Variants in NKAIN3 observed in about 807,000 individuals in gnomAD.
NKAIN3 encodes sodium/potassium transporting ATPase interacting 3.
A neutral mutation model predicts 30.2 loss-of-function variants in NKAIN3; 25 were observed. That is an observed-to-expected ratio of 0.83 (90% CI 0.60 to 1.16). NKAIN3 has a LOEUF of 1.16. Ranked by LOEUF, NKAIN3 falls within the 50% of genes most tolerant of loss-of-function variation. The pLI, the probability that NKAIN3 is intolerant of heterozygous loss-of-function variation, is 0.00. For missense variants in NKAIN3, 225 were observed against 254.1 expected, an observed-to-expected ratio of 0.89 and a Z score of 0.78; for synonymous variants, 91 against 89.6, an observed-to-expected ratio of 1.02 and a Z score of -0.09.
chr8:62,391,829 G>C (rs1817590956), intron 1 of NKAIN3, among the ~76,000 whole-genome samples: 2 of 151,836 alleles, frequency 1.3e-5, no homozygotes, highest in Admixed American at 1.3e-4. Flanking sequence ...GCGTGTGTGG[G>C]TGTGTGTGAA....
At chr8:62,457,148 T>A (rs1325625430) in intron 1 of NKAIN3, among the ~76,000 whole-genome samples, 3 of 152,198 alleles carry the variant, frequency 2.0e-5, no homozygotes, top group Non-Finnish European at 4.4e-5. Context: ...ACACAGGAAG[T>A]GGCTGAATCG....
intron 3 of NKAIN3, among the ~76,000 whole-genome samples, chr8:62,700,677 G>T (rs2130466893): frequency 6.6e-6 from 1 of 152,284 alleles, no homozygotes; most frequent in Non-Finnish European, 1.5e-5. Flanking sequence ...TACATGATTT[G>T]CAGCGAAGCT....
intron 1 of NKAIN3, among the ~76,000 whole-genome samples, chr8:62,326,165 C>T (rs1345429871): frequency 6.6e-6 from 1 of 151,664 alleles, no homozygotes; most frequent in African/African-American, 2.4e-5. Context: ...TGCAGGATGA[C>T]ATTCTTTTTA....
intron 1 of NKAIN3, among the ~76,000 whole-genome samples, chr8:62,475,002 T>A (rs1173985827): frequency 6.6e-6 from 1 of 152,176 alleles, no homozygotes; most frequent in African/African-American, 2.4e-5. Context: ...GAGCAATGAC[T>A]ATAAAATAAT....
chr8:62,296,153 A>C (rs536897044), intron 1 of NKAIN3, among the ~76,000 whole-genome samples: 1 of 152,282 alleles, frequency 6.6e-6, no homozygotes. Flanking sequence ...AAGAGTTGTT[A>C]AGGAGACACA....
intron 1 of NKAIN3, among the ~76,000 whole-genome samples, chr8:62,554,920 T>A (rs1809336385): frequency 1.3e-5 from 2 of 151,922 alleles, no homozygotes; most frequent in Admixed American, 6.6e-5. Flanking sequence ...ATAAGTGAGA[T>A]TATGCAGTAT....
intron 1 of NKAIN3, among the ~76,000 whole-genome samples, chr8:62,309,580 A>G (rs958482966): frequency 4.0e-5 from 6 of 150,354 alleles, no homozygotes; most frequent in African/African-American, 7.5e-5. Context: ...CATGAATGCA[A>G]ATTATGGCTC....
At chr8:62,950,182 T>A (rs982911826) in intron 5 of NKAIN3, among the ~76,000 whole-genome samples, 21 of 152,218 alleles carry the variant, frequency 1.4e-4, no homozygotes, top group Non-Finnish European at 2.5e-4. Context: ...GTTCTATTTC[T>A]TAATTTTCTT....
At chr8:62,801,992 T>C (rs1308946824) in intron 4 of NKAIN3, among the ~76,000 whole-genome samples, 1 of 152,096 alleles carries the variant, frequency 6.6e-6, no homozygotes, top group Non-Finnish European at 1.5e-5. Context: ...CAGGAGCTGA[T>C]GTGATCAACT....
At chr8:62,387,748 G>A (rs1229295177) in intron 1 of NKAIN3, among the ~76,000 whole-genome samples, 2 of 152,058 alleles carry the variant, frequency 1.3e-5, no homozygotes, top group East Asian at 3.9e-4. Flanking sequence ...TAAAATGAAG[G>A]CAGTAGATTA....
At chr8:62,353,074 A>G (rs1816232292) in intron 1 of NKAIN3, among the ~76,000 whole-genome samples, 1 of 152,118 alleles carries the variant, frequency 6.6e-6, no homozygotes, top group Non-Finnish European at 1.5e-5. Context: ...AAGTTAAAAA[A>G]CTACAAAGCC....
chr8:62,433,708 T>C (rs142144082), intron 1 of NKAIN3, among the ~76,000 whole-genome samples: 173 of 152,296 alleles, frequency 1.1e-3, no homozygotes, highest in African/African-American at 4.1e-3. Flanking sequence ...CGCAATTAAT[T>C]TGCACCAACC....
At chr8:62,921,475 A>G (rs1017795919) in intron 5 of NKAIN3, among the ~76,000 whole-genome samples, 3 of 152,174 alleles carry the variant, frequency 2.0e-5, no homozygotes, top group Non-Finnish European at 2.9e-5. Flanking sequence ...ATATTTCCGA[A>G]GGGTAATAAA....
chr8:62,418,070 G>T (rs1191868963), intron 1 of NKAIN3, among the ~76,000 whole-genome samples: 1 of 152,148 alleles, frequency 6.6e-6, no homozygotes, highest in Non-Finnish European at 1.5e-5. Context: ...CCTCTCCCCA[G>T]TTACAGCCCT....
chr8:62,637,095 A>G (rs141668276), intron 3 of NKAIN3, among the ~76,000 whole-genome samples: 1 of 152,308 alleles, frequency 6.6e-6, no homozygotes, highest in African/African-American at 2.4e-5. Flanking sequence ...CTCTGTTGAC[A>G]AAACAATTTT....
chr8:62,345,646 T>TACACATATATAC (rs1563943098), intron 1 of NKAIN3, among the ~76,000 whole-genome samples: 1 of 148,458 alleles, frequency 6.7e-6, no homozygotes, highest in African/African-American at 2.5e-5. Flanking sequence ...TATGTATATA[T>TACACATATATAC]ACACATATAT....
At position 62,965,631 on chromosome 8, in the gene NKAIN3, A is replaced by G. The variant is rs986581002; in HGVS notation, c.*224A>G. The G allele has an allele frequency of 6.1e-6, 6 of 977,828 alleles. No homozygotes were observed. The highest frequency in any genetic ancestry group is 7.3e-6 in the Non-Finnish European group (6 of 823,520). 60.6% of individuals were successfully genotyped at this position (977,828 alleles called of 1,614,324 possible). On this transcript the variant is annotated 3_prime_UTR_variant, in exon 7 of 7. Coordinates refer to ENST00000623646, the MANE Select transcript of NKAIN3 (RefSeq NM_001304533.3). The stretch of plus-strand genomic sequence containing the variant: ...ACACTTGTAAGTTGTAAAAAAAAAA[A>G]AAAAAGAAAAAACAGAATTTGGTTT...
chr8:62,477,489 T>A (rs1451411573), intron 1 of NKAIN3, among the ~76,000 whole-genome samples: 1 of 152,140 alleles, frequency 6.6e-6, no homozygotes, highest in Non-Finnish European at 1.5e-5. Context: ...TGTTCTCTCC[T>A]CCCTGCCTCA....
At chr8:62,693,048 CTT>C (rs985504939) in intron 3 of NKAIN3, among the ~76,000 whole-genome samples, 1 of 152,192 alleles carries the variant, frequency 6.6e-6, no homozygotes, top group African/African-American at 2.4e-5. Flanking sequence ...AACATCCTCT[CTT>C]TCCCTCATTT....
Sources: allele counts gnomAD v4.1 joint callset (sites outside exome capture counted in the v4.1 genomes callset), GRCh38; gene constraint gnomAD v4.1.1; transcripts MANE v1.5; gene names NCBI Gene and HGNC (gene_info 2026-07-23, HGNC 2026-07-21).